The following SMIM29 variants were observed in gnomAD, a reference collection of about 807,000 sequenced individuals.
SMIM29 encodes uncharacterized protein C6orf1.
Under a neutral mutation model 12.9 loss-of-function variants are expected in SMIM29, and 4 were observed. That is an observed-to-expected ratio of 0.31 (90% CI 0.15 to 0.71). The LOEUF (loss-of-function observed/expected upper bound fraction) is 0.71. SMIM29 is among the 30% of genes least tolerant of loss of function. The probability of loss-of-function intolerance (pLI) is 0.70; values close to 1 mark genes in which losing one functional copy is unlikely to be tolerated. For synonymous variants in SMIM29, 50 were observed against 52.0 expected, an observed-to-expected ratio of 0.96 and a Z score of 0.17; for missense variants, 122 against 138.1, an observed-to-expected ratio of 0.88 and a Z score of 0.58.
intron 2 of SMIM29, 29 bp from the exon 3 acceptor site, chr6:34,247,521 C>T (rs902595490): frequency 1.4e-5 from 22 of 1,562,458 alleles, no homozygotes; most frequent in East Asian, 2.3e-5. Context: ...ACTGTGGGGG[C>T]TGCTGAGCCC....
chr6:34,247,516 G>A, intron 2 of SMIM29, 24 bp from the exon 3 acceptor site: 1 of 1,565,150 alleles, frequency 6.4e-7, no homozygotes, highest in South Asian at 1.2e-5. Context: ...ACAGCACTGT[G>A]GGGGCTGCTG....
intron 1 of SMIM29, chr6:34,248,136 C>T (rs905298001): frequency 4.1e-6 from 4 of 985,304 alleles, no homozygotes; most frequent in African/African-American, 1.7e-5. Flanking sequence ...GCTGGCCAAA[C>T]ATTTACAAGT....
rs1284117743 is a variant in SMIM29, at chr6:34,247,277, C to T, written c.138-128G>A. The stretch of plus-strand genomic sequence containing the variant: ...GGGTGCCTTTTGGGACACACTATAC[C>T]TCCAAGAATACAACCCTGATTCTAC... On this transcript the variant is annotated intron_variant, in intron 3 of 4. Coordinates refer to ENST00000476320, the MANE Select transcript of SMIM29 (RefSeq NM_001008703.4). The T allele has an allele frequency of 3.3e-5, 51 of 1,562,366 alleles. No individual in the cohort carries two copies. The East Asian group carries it at 1.1e-3, about 34-fold the overall frequency.
Position 34,246,516 on chromosome 6 carries a change from A to G in SMIM29, c.*287T>C. On this transcript the variant is annotated 3_prime_UTR_variant, in exon 5 of 5. Coordinates refer to ENST00000476320, the MANE Select transcript of SMIM29 (RefSeq NM_001008703.4). ...TGCCCAAGCCCAGCCCAGGAGGGCT[A>G]GAGAAAGCAAAGGTGTCTACCAGCC... 1.3e-6 allele frequency: 2 copies of G among 1,544,636 alleles called. No homozygotes were observed. Among genetic ancestry groups the G allele is most frequent in the Non-Finnish European group, 1.7e-6 (2 of 1,144,904 alleles).
chr6:34,246,487 T>C lies in SMIM29; in HGVS notation c.*316A>G. ...AACAACTCCAAAGCCTGCCTGGGGATTTGTGCCCAAGCCCAGCCCAGGAGG... is the reference window on the plus strand; with the variant it reads ...AACAACTCCAAAGCCTGCCTGGGGACTTGTGCCCAAGCCCAGCCCAGGAGG... On this transcript the variant is annotated 3_prime_UTR_variant, in exon 5 of 5. Transcript: ENST00000476320. The C allele has an allele frequency of 6.6e-7, 1 of 1,519,002 alleles. No homozygotes were observed. Among genetic ancestry groups the C allele is most frequent in the Non-Finnish European group, 8.8e-7 (1 of 1,134,900 alleles). 94.1% of individuals were successfully genotyped at this position (1,519,002 alleles called of 1,614,324 possible). A position where few individuals can be genotyped will look rare whatever the true frequency, so the allele number is the denominator to read the frequency against.
chr6:34,248,277 C>T (rs1362021483), intron 1 of SMIM29: 5 of 985,364 alleles, frequency 5.1e-6, no homozygotes, highest in Non-Finnish European at 6.0e-6. Context: ...ACCTGCACTG[C>T]AGCCAGGGGT....
intron 3 of SMIM29, 58 bp downstream of exon 3, chr6:34,247,409 G>A: frequency 6.7e-7 from 1 of 1,488,596 alleles, no homozygotes; most frequent in African/African-American, 1.4e-5. Context: ...CAGAGCCTAT[G>A]AGCAGGAATT....
At chr6:34,248,043 A>T in intron 1 of SMIM29, 179 bp from the exon 2 acceptor site, 1 of 985,440 alleles carries the variant, frequency 1.0e-6, no homozygotes, top group Non-Finnish European at 1.2e-6. Flanking sequence ...CCTGGCAGGA[A>T]AGGGGATCAA....
intron 4 of SMIM29, 24 bp downstream of exon 4, chr6:34,247,020 T>TC: frequency 6.2e-7 from 1 of 1,613,814 alleles, no homozygotes; most frequent in Non-Finnish European, 8.5e-7. Flanking sequence ...TGCCTCATTC[T>TC]CCCCCTGGCC....
In SMIM29 at chr6:34,247,136, G is replaced by A. The variant is rs373648089; in HGVS notation, c.151C>T (p.Arg51Cys). The A allele has an allele frequency of 1.1e-5, 17 of 1,613,936 alleles. No individual in the cohort carries two copies. Among genetic ancestry groups the A allele is most frequent in the African/African-American group, 8.0e-5 (6 of 74,918 alleles). The change falls in exon 4 of 5, where the codon CGC becomes TGC. Residue 51 changes from arginine (R) to cysteine (C), a missense_variant. Coordinates refer to ENST00000476320, the MANE Select transcript of SMIM29 (RefSeq NM_001008703.4). ...VQKKKRVDRL[R>C]HHLLPMYSYD... ...CTGTACATGGGGAGCAGGTGATGGCGCAGCCGGTCCACCCTGGGGAGCAGG... is the reference window on the plus strand; with the variant it reads ...CTGTACATGGGGAGCAGGTGATGGCACAGCCGGTCCACCCTGGGGAGCAGG...
intron 1 of SMIM29, chr6:34,248,505 C>G (rs1340214716): frequency 6.1e-6 from 6 of 984,508 alleles, no homozygotes; most frequent in Non-Finnish European, 7.2e-6. Flanking sequence ...TTGTCTCCAC[C>G]CGGGGCTCCG....
chr6:34,247,436 G>GGT, intron 3 of SMIM29, 31 bp downstream of exon 3: 2 of 756,646 alleles, frequency 2.6e-6, no homozygotes, highest in South Asian at 1.5e-5. Context: ...CGGGTGTGGG[G>GGT]TTAGGGCGGG....
chr6:34,248,430 G>T (rs1762892218), intron 1 of SMIM29: 2 of 984,926 alleles, frequency 2.0e-6, no homozygotes, highest in South Asian at 4.7e-5. Flanking sequence ...CATCTGTCTC[G>T]TGTGCCAGGG....
intron 3 of SMIM29, 154 bp from the exon 4 acceptor site, chr6:34,247,303 A>G: frequency 6.5e-7 from 1 of 1,543,946 alleles, no homozygotes; most frequent in Non-Finnish European, 8.7e-7. Flanking sequence ...CTGATTCTAC[A>G]AAGGGGCTTT....
chr6:34,247,363 G>T, intron 3 of SMIM29, 104 bp downstream of exon 3: 1 of 1,327,236 alleles, frequency 7.5e-7, no homozygotes. Flanking sequence ...TTTCAGGCTT[G>T]TATCAGGATG....
rs1762812688 is a variant in SMIM29 at position 34,246,989 on chromosome 6, G to A, written c.243+55C>T. On this transcript the variant is annotated intron_variant, in intron 4 of 4. Transcript: ENST00000476320. ...TTTCAGTGTGGACGAGTATGGCTGG[G>A]AACAGGGCTGACTCCCACCTTGCCT... The A allele has an allele frequency of 4.3e-6, 7 of 1,613,054 alleles. No individual in the cohort carries two copies. In the African/African-American group the frequency reaches 6.7e-5, roughly 15 times the overall value.
At position 34,247,510 on chromosome 6, in the gene SMIM29, C is replaced by A; in HGVS notation, c.112-18G>T. 6.4e-7 allele frequency: 1 copy of A among 1,569,290 alleles called. No homozygotes were observed. The highest frequency in any genetic ancestry group is 8.6e-7 in the Non-Finnish European group (1 of 1,156,404). On this transcript the variant is annotated intron_variant, in intron 2 of 4. Coordinates refer to ENST00000476320, the MANE Select transcript of SMIM29 (RefSeq NM_001008703.4). ...TACATTACCTGCAACAGAGACACAG[C>A]ACTGTGGGGGCTGCTGAGCCCAGGA...
intron 1 of SMIM29, chr6:34,248,130 GC>G: frequency 1.0e-6 from 1 of 985,436 alleles, no homozygotes; most frequent in Non-Finnish European, 1.2e-6. Flanking sequence ...TCAGATGCTG[GC>G]CAAACATTTA....
At position 34,246,529 on chromosome 6, in the gene SMIM29, G is replaced by T. The variant is rs565526246; in HGVS notation, c.*274C>A. The T allele has an allele frequency of 1.3e-6, 2 of 1,557,936 alleles. No individual in the cohort carries two copies. Among genetic ancestry groups the T allele is most frequent in the South Asian group, 1.2e-5 (1 of 81,980 alleles). On this transcript the variant is annotated 3_prime_UTR_variant, in exon 5 of 5. Coordinates refer to ENST00000476320, the MANE Select transcript of SMIM29 (RefSeq NM_001008703.4). ...CCCAGGAGGGCTAGAGAAAGCAAAGGTGTCTACCAGCCGCCCCCATCCCAG... is the reference window on the plus strand; with the variant it reads ...CCCAGGAGGGCTAGAGAAAGCAAAGTTGTCTACCAGCCGCCCCCATCCCAG...
Sources: gnomAD v4.1 joint callset for allele counts on GRCh38, gnomAD v4.1.1 for gene constraint, MANE v1.5 for transcripts, NCBI Gene and HGNC (gene_info 2026-07-23, HGNC 2026-07-21) for gene names.